GLRA2: variants seen among roughly 807,000 people sequenced by gnomAD.
The protein encoded by GLRA2 is glycine receptor alpha 2.
GLRA2 carries 11 observed loss-of-function variants against 31.6 expected under a neutral mutation model. The observed-to-expected ratio is 0.35, with a 90% confidence interval of 0.22 to 0.58. The LOEUF (loss-of-function observed/expected upper bound fraction) is 0.58. Among genes scored for constraint, GLRA2 ranks in the 20% least tolerant of loss-of-function variants. The pLI is 0.84. For missense variants in GLRA2, 212 were observed against 351.8 expected, an observed-to-expected ratio of 0.60 and a Z score of 3.18; for synonymous variants, 132 against 134.0, an observed-to-expected ratio of 0.99 and a Z score of 0.10.
intron 2 of GLRA2, among the ~76,000 whole-genome samples, chrX:14,562,688 A>T (rs1361594472): frequency 2.7e-5 from 3 of 111,795 alleles, no homozygotes; most frequent in African/African-American, 9.8e-5. Context: ...TTCTCACTGC[A>T]TTTTCACATG....
intron 8 of GLRA2, among the ~76,000 whole-genome samples, chrX:14,723,810 G>A (rs1243468745): frequency 1.8e-5 from 2 of 111,970 alleles, no homozygotes; most frequent in Admixed American, 1.9e-4. Context: ...TTATCTGTCA[G>A]ATTAGACCAG....
At chrX:14,644,070 G>A (rs922067307) in intron 7 of GLRA2, among the ~76,000 whole-genome samples, 1 of 111,158 alleles carries the variant, frequency 9.0e-6, no homozygotes, top group Non-Finnish European at 1.9e-5. Context: ...GAGATGTGTA[G>A]GCCTTCTACT....
intron 7 of GLRA2, among the ~76,000 whole-genome samples, chrX:14,635,254 C>T: frequency 1.8e-5 from 2 of 111,820 alleles, no homozygotes; most frequent in Non-Finnish European, 3.8e-5. Context: ...TAATGTTTCA[C>T]AGACATAGTT....
At chrX:14,682,671 C>T (rs753902505) in intron 7 of GLRA2, among the ~76,000 whole-genome samples, 7 of 109,525 alleles carry the variant, frequency 6.4e-5, no homozygotes, top group Admixed American at 9.8e-5. Flanking sequence ...ATTTACATTA[C>T]GTATATCTCC....
At chrX:14,643,911 C>T (rs759790221) in intron 7 of GLRA2, among the ~76,000 whole-genome samples, 10 of 112,050 alleles carry the variant, frequency 8.9e-5, no homozygotes, top group Non-Finnish European at 1.7e-4. Context: ...TCCAGAATTA[C>T]ATTACAGGAA....
chrX:14,702,718 G>C (rs2091561447), intron 8 of GLRA2, among the ~76,000 whole-genome samples: 1 of 111,512 alleles, frequency 9.0e-6, no homozygotes, highest in Non-Finnish European at 1.9e-5. Context: ...CATTGCTTCT[G>C]GAGGGTTGTC....
At chrX:14,486,959 G>C in the GLRA2 span, among the ~76,000 whole-genome samples, 697 of 110,920 alleles carry the variant, frequency 6.3e-3, 9 homozygotes, top group African/African-American at 0.021. Context: ...AAGTACCTTT[G>C]GGGGTGGGGT....
intron 7 of GLRA2, among the ~76,000 whole-genome samples, chrX:14,680,768 T>C (rs759654394): frequency 9.8e-5 from 11 of 111,959 alleles, no homozygotes; most frequent in Non-Finnish European, 1.7e-4. Context: ...CCAAAATGAT[T>C]AAGAGACTGA....
At chrX:14,490,304 G>A in the GLRA2 span, among the ~76,000 whole-genome samples, 2 of 112,008 alleles carry the variant, frequency 1.8e-5, no homozygotes, top group Non-Finnish European at 3.8e-5. Context: ...GAAGTCAGTG[G>A]GCTTGGGGGA....
chrX:14,461,496 G>T, the GLRA2 span, among the ~76,000 whole-genome samples: 1 of 111,636 alleles, frequency 9.0e-6, no homozygotes, highest in East Asian at 2.8e-4. Context: ...TCTCTTTGTA[G>T]GTCTCTAAGA....
intron 4 of GLRA2, among the ~76,000 whole-genome samples, chrX:14,601,761 T>C (rs758190700): frequency 2.7e-5 from 3 of 111,547 alleles, no homozygotes; most frequent in Admixed American, 9.6e-5. Flanking sequence ...AATTTTGTTT[T>C]GTTTGCTTTT....
At chrX:14,596,918 A>G (rs776704284) in intron 4 of GLRA2, among the ~76,000 whole-genome samples, 1 of 111,331 alleles carries the variant, frequency 9.0e-6, no homozygotes, top group East Asian at 2.8e-4. Context: ...GAAACCCACT[A>G]TACTAAAAGA....
intron 4 of GLRA2, among the ~76,000 whole-genome samples, chrX:14,592,140 C>T (rs1411321874): frequency 9.0e-6 from 1 of 111,568 alleles, no homozygotes; most frequent in Non-Finnish European, 1.9e-5. Flanking sequence ...AATAACGTCC[C>T]TCTCCTTCCC....
At chrX:14,563,342 A>T (rs2089757918) in intron 2 of GLRA2, among the ~76,000 whole-genome samples, 1 of 112,165 alleles carries the variant, frequency 8.9e-6, no homozygotes, top group Admixed American at 9.5e-5. Context: ...CTCTCATAAA[A>T]TTCTAGTTGA....
the GLRA2 span, among the ~76,000 whole-genome samples, chrX:14,502,931 A>C: frequency 9.2e-6 from 1 of 108,752 alleles, no homozygotes; most frequent in African/African-American, 3.3e-5. Context: ...ACAAAAGGAC[A>C]CTTGTTTAGA....
At chrX:14,589,607 G>A (rs1330077805) in intron 4 of GLRA2, among the ~76,000 whole-genome samples, 1 of 106,622 alleles carries the variant, frequency 9.4e-6, no homozygotes, top group African/African-American at 3.4e-5. Flanking sequence ...GGAGGCGGAG[G>A]CTGCAGTGAG....
chrX:14,606,682 C>T lies in GLRA2; in HGVS notation c.578-449C>T, dbSNP rs886103616. Among the ~76,000 whole-genome samples the T allele has an allele frequency of 2.7e-5, 3 of 111,294 alleles. No individual in the cohort carries two copies. In the Admixed American group the frequency reaches 2.9e-4, roughly 11 times the overall value. On this transcript the variant is annotated intron_variant, in intron 5 of 8. Coordinates refer to ENST00000218075, the MANE Select transcript of GLRA2 (RefSeq NM_002063.4). ...GTAATGGGAATGTTTTAGGCAGGCCCGTGATTAATTCATTCTCATTTAAAA... is the reference window on the plus strand; with the variant it reads ...GTAATGGGAATGTTTTAGGCAGGCCTGTGATTAATTCATTCTCATTTAAAA...
intron 8 of GLRA2, among the ~76,000 whole-genome samples, chrX:14,715,186 G>A (rs1456435408): frequency 4.5e-5 from 5 of 111,941 alleles, no homozygotes; most frequent in Non-Finnish European, 7.5e-5. Context: ...TTCACACTAT[G>A]TGGCTGCTCA....
chrX:14,630,198 G>T (rs948172460), intron 7 of GLRA2, among the ~76,000 whole-genome samples: 1 of 111,441 alleles, frequency 9.0e-6, no homozygotes, highest in Non-Finnish European at 1.9e-5. Context: ...GTTTTAAAAA[G>T]ATATTTTTAT....
Sources: gnomAD v4.1 joint callset for allele counts (sites outside exome capture counted in the v4.1 genomes callset) on GRCh38, gnomAD v4.1.1 for gene constraint, MANE v1.5 for transcripts, NCBI Gene and HGNC (gene_info 2026-07-23, HGNC 2026-07-21) for gene names.